TRDMT1: variants seen among roughly 807,000 people sequenced by gnomAD.
TRDMT1 encodes the protein tRNA aspartic acid methyltransferase 1.
A neutral mutation model predicts 51.2 loss-of-function variants in TRDMT1; 49 were observed. The ratio of observed to expected loss-of-function variants is 0.96; its 90% CI spans 0.76 to 1.21. The LOEUF (loss-of-function observed/expected upper bound fraction) is 1.21. Among genes scored for constraint, TRDMT1 ranks in the 50% most tolerant of loss-of-function variants. The pLI is 0.00. For synonymous variants in TRDMT1, 187 were observed against 164.6 expected (o/e 1.14, Z -1.04); for missense variants, 534 against 462.3 (o/e 1.16, Z -1.42).
At position 17,140,754 on chromosome 10, in the gene TRDMT1, T is replaced by C. The variant is rs1462677201; in HGVS notation, c.*8286A>G. Among the ~76,000 whole-genome samples, 1 of 152,156 alleles carries C rather than the reference T, an allele frequency of 6.6e-6. No individual in the cohort carries two copies. Among genetic ancestry groups the C allele is most frequent in the East Asian group, 1.9e-4 (1 of 5,200 alleles). ...AAACAACAAAAAAGATCACATTCAA[T>C]TGAAAAATATAAACAAGAAAAATTA... is the stretch of plus-strand genomic sequence containing the variant. On this transcript the variant is annotated 3_prime_UTR_variant, in exon 11 of 11. Transcript: ENST00000377799.
rs1404815531 is a variant in TRDMT1 at position 17,144,383 on chromosome 10, G to T, written c.*4657C>A. On this transcript the variant is annotated 3_prime_UTR_variant, in exon 11 of 11. Coordinates refer to ENST00000377799, the MANE Select transcript of TRDMT1 (RefSeq NM_004412.7). ...AAGCAAAGAAATGAAAAAACCCTAG[G>T]CTTATTCAGAAAAGAGTTCTATGGG... 1.0e-6 allele frequency: 1 copy of T among 985,252 alleles called. No individual in the cohort carries two copies. Among genetic ancestry groups the T allele is most frequent in the Non-Finnish European group, 1.2e-6 (1 of 829,916 alleles). The allele number at this position is 985,252 out of a possible 1,614,324, so 61.0% of individuals were successfully genotyped here.
chr10:17,151,733 T>A (rs1266007861), intron 10 of TRDMT1: 1 of 830,110 alleles, frequency 1.2e-6, no homozygotes, highest in Non-Finnish European at 1.5e-6. Context: ...ATAAAGATTA[T>A]AAAAGTAAAT....
At chr10:17,184,897 G>A (rs11254441) in intron 1 of TRDMT1, among the ~76,000 whole-genome samples, 20,843 of 152,054 alleles carry the variant, frequency 0.14, 1,522 homozygotes, top group Admixed American at 0.17. Context: ...GTGTTCATAC[G>A]TCCTGATGAA....
intron 5 of TRDMT1, 96 bp downstream of exon 5, chr10:17,161,387 T>C: frequency 1.1e-6 from 1 of 875,272 alleles, no homozygotes; most frequent in Non-Finnish European, 1.6e-6. Flanking sequence ...AATGTCAGAA[T>C]GTATGCACTG....
In TRDMT1 at chr10:17,160,292, C is replaced by T. The variant is rs558141370; in HGVS notation, c.459+13G>A. ...TTATAATTTATATAAGCATTTATAA[C>T]TGTGATACCTACAGAGGTTGGAGAT... On this transcript the variant is annotated intron_variant, in intron 6 of 10. Coordinates refer to ENST00000377799, the MANE Select transcript of TRDMT1 (RefSeq NM_004412.7). The T allele has an allele frequency of 1.2e-5, 18 of 1,479,098 alleles. No homozygotes were observed. The highest frequency in any genetic ancestry group is 2.3e-5 in the Admixed American group (1 of 43,546). The allele number at this position is 1,479,098 out of a possible 1,614,324, so 91.6% of individuals were successfully genotyped here.
intron 1 of TRDMT1, among the ~76,000 whole-genome samples, chr10:17,194,458 C>A (rs2131617356): frequency 6.6e-6 from 1 of 152,036 alleles, no homozygotes; most frequent in African/African-American, 2.4e-5. Flanking sequence ...AACAACTGAA[C>A]AAGCAAAAAA....
rs374260389 is a variant in TRDMT1 at position 17,201,549 on chromosome 10, G to C, written c.64+22C>G. ...CAGCCCCCGTGAGCGAATAGAGAGA[G>C]GGGTGCTAGATGGACTCTCACCTCT... is the stretch of plus-strand genomic sequence containing the variant. On this transcript the variant is annotated intron_variant, in intron 1 of 10. Coordinates refer to ENST00000377799, the MANE Select transcript of TRDMT1 (RefSeq NM_004412.7). 9 of 1,545,100 alleles carry C rather than the reference G, an allele frequency of 5.8e-6. No individual in the cohort carries two copies. The South Asian group carries it at 1.1e-4, about 19-fold the overall frequency.
At chr10:17,154,551 A>T in intron 9 of TRDMT1, 126 bp downstream of exon 9, 1 of 491,296 alleles carries the variant, frequency 2.0e-6, no homozygotes. Context: ...ATGAATATAC[A>T]TATGAATGAA....
At chr10:17,149,164 A>G in intron 10 of TRDMT1, 24 bp from the exon 11 acceptor site, 1 of 1,562,732 alleles carries the variant, frequency 6.4e-7, no homozygotes, top group Non-Finnish European at 8.8e-7. Flanking sequence ...GAACAATTTA[A>G]AGAAATCATT....
intron 1 of TRDMT1, among the ~76,000 whole-genome samples, chr10:17,184,450 T>C (rs1034581653): frequency 2.0e-5 from 3 of 151,124 alleles, no homozygotes; most frequent in African/African-American, 7.3e-5. Context: ...TAGTATAATA[T>C]ATATAATAAT....
chr10:17,183,380 T>C (rs1588642419), intron 1 of TRDMT1, among the ~76,000 whole-genome samples: 1 of 152,182 alleles, frequency 6.6e-6, no homozygotes, highest in South Asian at 2.1e-4. Context: ...AATAATTCGA[T>C]TTTTTTCTCA....
chr10:17,147,060 G>A lies in TRDMT1; in HGVS notation c.*1980C>T. On this transcript the variant is annotated 3_prime_UTR_variant, in exon 11 of 11. Transcript: ENST00000377799. ...GACCTTTCAAGTATTTATAGTTGGT[G>A]CACAGTAACTCGACACTTATTTTGT... 5 of 985,690 alleles carry A rather than the reference G, an allele frequency of 5.1e-6. No homozygotes were observed. The highest frequency in any genetic ancestry group is 6.0e-6 in the Non-Finnish European group (5 of 829,890). 61.1% of individuals were successfully genotyped at this position (985,690 alleles called of 1,614,324 possible).
At chr10:17,161,395 C>T (rs1027673105) in intron 5 of TRDMT1, 88 bp downstream of exon 5, 7 of 1,002,252 alleles carry the variant, frequency 7.0e-6, no homozygotes, top group Middle Eastern at 2.4e-4. Context: ...AATGTATGCA[C>T]TGGTTTTTAA....
In TRDMT1 at chr10:17,144,301, A is replaced by C; in HGVS notation, c.*4739T>G. ...TGTCCTGATAAAAATAGAAATCAAA[A>C]TGCAAACAAAATACAGAGCAAATAT... On this transcript the variant is annotated 3_prime_UTR_variant, in exon 11 of 11. Coordinates refer to ENST00000377799, the MANE Select transcript of TRDMT1 (RefSeq NM_004412.7). The C allele has an allele frequency of 1.0e-6, 1 of 985,580 alleles. No homozygotes were observed. Among genetic ancestry groups the C allele is most frequent in the Non-Finnish European group, 1.2e-6 (1 of 829,938 alleles). 61.1% of individuals were successfully genotyped at this position (985,580 alleles called of 1,614,324 possible). A position where few individuals can be genotyped will look rare whatever the true frequency, so the allele number is the denominator to read the frequency against.
Position 17,149,091 on chromosome 10 carries a change from A to G in TRDMT1, c.1125T>C (p.Asn375=), listed in dbSNP as rs199788631. The G allele has an allele frequency of 2.9e-5, 47 of 1,611,800 alleles. No homozygotes were observed. The highest frequency in any genetic ancestry group is 6.7e-5 in the East Asian group (3 of 44,748). The change falls in exon 11 of 11, where the codon AAT becomes AAC. Residue 375 remains asparagine (N), a synonymous_variant. Coordinates refer to ENST00000377799, the MANE Select transcript of TRDMT1 (RefSeq NM_004412.7). ...TAGCTACTACATGCACGTTGAGACT[A>G]TTTCCAAGTAGGCGATAACGCTGTT... ...TVKQRYRLLG[N]SLNVHVVAKL... is the part of the protein sequence containing the mutation.
At chr10:17,196,307 G>A (rs1263754386) in intron 1 of TRDMT1, among the ~76,000 whole-genome samples, 2 of 152,184 alleles carry the variant, frequency 1.3e-5, no homozygotes, top group Non-Finnish European at 2.9e-5. Flanking sequence ...AGGCCTTTTT[G>A]CTTTTAAGGC....
chr10:17,196,529 A>G (rs1455609137), intron 1 of TRDMT1, among the ~76,000 whole-genome samples: 1 of 152,268 alleles, frequency 6.6e-6, no homozygotes, highest in Non-Finnish European at 1.5e-5. Flanking sequence ...CTGAAAGAAG[A>G]TATTTTCACT....
intron 10 of TRDMT1, chr10:17,151,269 C>T (rs1838695194): frequency 1.3e-5 from 13 of 972,714 alleles, no homozygotes; most frequent in Non-Finnish European, 1.5e-5. Flanking sequence ...AACTTAGATA[C>T]ATTAAAAATA....
intron 8 of TRDMT1, among the ~76,000 whole-genome samples, chr10:17,154,953 C>T (rs747848313): frequency 1.3e-5 from 2 of 152,132 alleles, no homozygotes; most frequent in South Asian, 2.1e-4. Context: ...GGCACAGTGG[C>T]TAATGTCTAT....
Sources: gnomAD v4.1 joint callset for allele counts (sites outside exome capture counted in the v4.1 genomes callset) on GRCh38, gnomAD v4.1.1 for gene constraint, MANE v1.5 for transcripts, NCBI Gene and HGNC (gene_info 2026-07-23, HGNC 2026-07-21) for gene names.